ZNF264: variants seen among roughly 807,000 people sequenced by gnomAD.
ZNF264 encodes the protein zinc finger protein 264.
A neutral mutation model predicts 11.2 loss-of-function variants in ZNF264; 11 were observed. The ratio of observed to expected loss-of-function variants is 0.98; its 90% CI spans 0.62 to 1.63. ZNF264 has a LOEUF of 1.63. Ranked by LOEUF, ZNF264 falls within the 40% of genes most tolerant of loss-of-function variation. The probability of loss-of-function intolerance (pLI) is 0.00; values close to 1 mark genes in which losing one functional copy is unlikely to be tolerated. For missense variants in ZNF264, 752 were observed against 768.1 expected (o/e 0.98, Z 0.25); for synonymous variants, 309 against 279.8 (o/e 1.10, Z -1.04).
At position 57,214,869 on chromosome 19, in the gene ZNF264, G is replaced by A. The variant is rs536730230; in HGVS notation, c.*1888G>A. The stretch of plus-strand genomic sequence containing the variant: ...GAATGTATTGCTTTGATCAAGTTTT[G>A]AATATTGAGCCAGCCTTGCATCCTT... On this transcript the variant is annotated 3_prime_UTR_variant, in exon 4 of 4. Transcript: ENST00000263095. 18 of 152,218 alleles carry A rather than the reference G, an allele frequency of 1.2e-4. No homozygotes were observed. Among genetic ancestry groups the A allele is most frequent in the African/African-American group, 4.1e-4 (17 of 41,536 alleles). The allele number at this position is 152,218 out of a possible 1,614,324, so 9.4% of individuals were successfully genotyped here. A position where few individuals can be genotyped will look rare whatever the true frequency, so the allele number is the denominator to read the frequency against.
At chr19:57,193,017 C>T (rs1451853378) in intron 1 of ZNF264, among the ~76,000 whole-genome samples, 1 of 152,142 alleles carries the variant, frequency 6.6e-6, no homozygotes, top group African/African-American at 2.4e-5. Flanking sequence ...ATGCATGAGC[C>T]ACCATGCCCG....
Position 57,191,926 on chromosome 19 carries a change from G to T in ZNF264, c.13G>T (p.Val5Leu), listed in dbSNP as rs571690758. Residue 5 changes from valine (V) to leucine (L), a missense_variant, in exon 1 of 4, where the codon GTG becomes TTG. Physicochemically the swap from Val to Leu is conservative, Grantham distance 32. Transcript: ENST00000263095. ...AGGGGGTGACGTGATGGCGGCAGCG[G>T]TGCTGACGGACCGGGCCCAGGTGAG... MAAA[V>L]LTDRAQVSVT... 24 of 1,532,944 alleles carry T rather than the reference G, an allele frequency of 1.6e-5. No individual in the cohort carries two copies. The South Asian group carries it at 2.6e-4, about 17-fold the overall frequency. 95.0% of individuals were successfully genotyped at this position (1,532,944 alleles called of 1,614,324 possible). A position where few individuals can be genotyped will look rare whatever the true frequency, so the allele number is the denominator to read the frequency against.
intron 2 of ZNF264, among the ~76,000 whole-genome samples, chr19:57,204,456 T>G (rs115256502): frequency 2.6e-3 from 394 of 152,246 alleles, no homozygotes; most frequent in African/African-American, 8.9e-3. Context: ...TCCCATGGTG[T>G]TGTCGTGATA....
At chr19:57,194,203 C>A in intron 2 of ZNF264, 1 of 655,230 alleles carries the variant, frequency 1.5e-6, no homozygotes, top group South Asian at 4.0e-5. Context: ...CTTTGGCTCC[C>A]AGCCAAAGGA....
Position 57,212,063 on chromosome 19 carries a change from A to T in ZNF264, c.966A>T (p.Gln322His). The stretch of plus-strand genomic sequence containing the variant: ...CCTTTGTGTGCACAGAATGTGGCCA[A>T]GTCTTTCGACATAGGCCAGGCTTTC... ...EKSFVCTECG[Q>H]VFRHRPGFLR... The change falls in exon 4 of 4, where the codon CAA becomes CAT. Residue 322 changes from glutamine (Q) to histidine (H), a missense_variant. Coordinates refer to ENST00000263095, the MANE Select transcript of ZNF264 (RefSeq NM_003417.5). The T allele has an allele frequency of 1.2e-6, 2 of 1,614,132 alleles. No individual in the cohort carries two copies. Among genetic ancestry groups the T allele is most frequent in the Non-Finnish European group, 1.7e-6 (2 of 1,180,016 alleles).
At chr19:57,195,200 G>A (rs1036464893) in intron 2 of ZNF264, among the ~76,000 whole-genome samples, 3 of 152,196 alleles carry the variant, frequency 2.0e-5, no homozygotes, top group Non-Finnish European at 4.4e-5. Context: ...TATCGTTCAT[G>A]CAACCGAAAC....
At chr19:57,201,711 C>T (rs894837937) in intron 2 of ZNF264, among the ~76,000 whole-genome samples, 1 of 151,870 alleles carries the variant, frequency 6.6e-6, no homozygotes, top group Non-Finnish European at 1.5e-5. Context: ...CTGGAAGGAT[C>T]TGAGGAGCAC....
chr19:57,194,132 T>C lies in ZNF264; in HGVS notation c.160+131T>C, dbSNP rs185717182. On this transcript the variant is annotated intron_variant, in intron 2 of 3. Transcript: ENST00000263095. ...TGCCTCTTTCCCACAGCTTTAGTCATTTTCCACAGTAACCTCTTCCTATCT... is the reference window on the plus strand; with the variant it reads ...TGCCTCTTTCCCACAGCTTTAGTCACTTTCCACAGTAACCTCTTCCTATCT... The C allele has an allele frequency of 2.0e-4, 262 of 1,301,854 alleles. No individual in the cohort carries two copies. The African/African-American group carries it at 3.0e-3, about 15-fold the overall frequency. 80.6% of individuals were successfully genotyped at this position (1,301,854 alleles called of 1,614,324 possible).
rs7259358 is a variant in ZNF264, at chr19:57,211,650, C to T, written c.553C>T (p.His185Tyr). ...CTCTCCAGGAGATAGAGTCCGTAGC[C>T]ATAACTCATGTGAGTCAGGTAAAGA... ...QVSPGDRVRS[H>Y]NSCESGKDPM... Residue 185 changes from histidine to tyrosine, a missense_variant, in exon 4 of 4, where the codon CAT becomes TAT. Transcript: ENST00000263095. 6.4e-4 allele frequency: 1,037 copies of T among 1,614,100 alleles called. 6 individuals are homozygous for T. In the African/African-American group the frequency reaches 0.012, roughly 19 times the overall value.
chr19:57,199,852 G>A (rs926716563), intron 2 of ZNF264, among the ~76,000 whole-genome samples: 5 of 151,742 alleles, frequency 3.3e-5, no homozygotes, highest in South Asian at 2.1e-4. Flanking sequence ...CCTCAGGGGA[G>A]GCCATCACTG....
Position 57,194,021 on chromosome 19 carries a change from T to C in ZNF264, c.160+20T>C. The C allele has an allele frequency of 1.9e-6, 3 of 1,589,672 alleles. No individual in the cohort carries two copies. Among genetic ancestry groups the C allele is most frequent in the South Asian group, 2.3e-5 (2 of 87,734 alleles). Reference sequence around the variant, plus strand: ...CTCTGGGTAAGGCCTTCCTTCCCCCTCCACCATGCAGGTGACCTGCCACTT... The same window carrying C: ...CTCTGGGTAAGGCCTTCCTTCCCCCCCCACCATGCAGGTGACCTGCCACTT... On this transcript the variant is annotated intron_variant, in intron 2 of 3. Coordinates refer to ENST00000263095, the MANE Select transcript of ZNF264 (RefSeq NM_003417.5).
Position 57,212,965 on chromosome 19 carries a change from A to G in ZNF264, c.1868A>G (p.Gln623Arg). The change falls in exon 4 of 4, where the codon CAA becomes CGA. Residue 623 changes from glutamine to arginine, a missense_variant. Gln to Arg is a conservative substitution (Grantham distance 43). Transcript: ENST00000263095. ...SDQPYQRETP[Q>R]VSSL Reference sequence around the variant, plus strand: ...CAACCATACCAAAGAGAAACCCCACAAGTGTCTTCACTGTGAGAAAACCTT... The same window carrying G: ...CAACCATACCAAAGAGAAACCCCACGAGTGTCTTCACTGTGAGAAAACCTT... 1.9e-6 allele frequency: 3 copies of G among 1,608,554 alleles called. No homozygotes were observed. Among genetic ancestry groups the G allele is most frequent in the Non-Finnish European group, 2.6e-6 (3 of 1,176,350 alleles).
intron 2 of ZNF264, among the ~76,000 whole-genome samples, chr19:57,204,048 G>T (rs1185455341): frequency 6.6e-6 from 1 of 152,122 alleles, no homozygotes; most frequent in African/African-American, 2.4e-5. Flanking sequence ...TTAGCCAGGT[G>T]TGGTGGCAGG....
chr19:57,212,621 G>C lies in ZNF264; in HGVS notation c.1524G>C (p.Glu508Asp). 6.2e-7 allele frequency: 1 copy of C among 1,614,110 alleles called. No homozygotes were observed. The highest frequency in any genetic ancestry group is 2.2e-5 in the East Asian group (1 of 44,848). The change falls in exon 4 of 4, where the codon GAG (glutamate) becomes GAC (aspartate). Residue 508 changes from glutamate (E) to aspartate (D), a missense_variant. Transcript: ENST00000263095. ...LTRHKRIHSG[E>D]KPYECVECGK... is the part of the protein sequence containing the mutation. ...GGCACAAGCGGATTCATAGTGGAGA[G>C]AAGCCCTATGAATGTGTTGAGTGTG...
chr19:57,205,569 T>C, intron 3 of ZNF264, 77 bp downstream of exon 3: 3 of 1,307,612 alleles, frequency 2.3e-6, no homozygotes, highest in South Asian at 1.3e-5. Context: ...CTGGAATCTC[T>C]TGGGAAGCTT....
chr19:57,214,915 G>GT lies in ZNF264; in HGVS notation c.*1935dup, dbSNP rs1406828396. The GT allele has an allele frequency of 6.6e-6, 1 of 152,172 alleles. No homozygotes were observed. Among genetic ancestry groups the GT allele is most frequent in the Non-Finnish European group, 1.5e-5 (1 of 68,028 alleles). 9.4% of individuals were successfully genotyped at this position (152,172 alleles called of 1,614,324 possible). ...TCCTTAGAATAAACCATACTTGTTT[G>GT]TAGAGTATAATTGTTTTTATATATC... On this transcript the variant is annotated 3_prime_UTR_variant, in exon 4 of 4. Coordinates refer to ENST00000263095, the MANE Select transcript of ZNF264 (RefSeq NM_003417.5).
In ZNF264 at chr19:57,194,118, C is replaced by G. The variant is rs998254295; in HGVS notation, c.160+117C>G. ...TCTAGAATCTACCTTGCCTCTTTCC[C>G]ACAGCTTTAGTCATTTTCCACAGTA... On this transcript the variant is annotated intron_variant, in intron 2 of 3. Transcript: ENST00000263095. The G allele has an allele frequency of 3.5e-6, 5 of 1,415,420 alleles. No homozygotes were observed. The African/African-American group carries it at 5.8e-5, about 16-fold the overall frequency. 87.7% of individuals were successfully genotyped at this position (1,415,420 alleles called of 1,614,324 possible).
At position 57,211,933 on chromosome 19, in the gene ZNF264, G is replaced by A. The variant is rs758489001; in HGVS notation, c.836G>A (p.Arg279Gln). ...AAGTCATACCTTACCCAGCACCAGC[G>A]GATTCACAGTGGAGAGAAGCCTTAC... ...NRKSYLTQHQ[R>Q]IHSGEKPYKC... The change falls in exon 4 of 4, where the codon CGG (arginine) becomes CAG (glutamine). Residue 279 changes from arginine (R) to glutamine (Q), a missense_variant. Physicochemically the swap from Arg to Gln is conservative, Grantham distance 43. Coordinates refer to ENST00000263095, the MANE Select transcript of ZNF264 (RefSeq NM_003417.5). The A allele has an allele frequency of 6.8e-6, 11 of 1,613,682 alleles. No homozygotes were observed. Among genetic ancestry groups the A allele is most frequent in the African/African-American group, 5.3e-5 (4 of 74,770 alleles).
chr19:57,210,552 A>G (rs1051156505), intron 3 of ZNF264, among the ~76,000 whole-genome samples: 8 of 152,226 alleles, frequency 5.3e-5, no homozygotes, highest in African/African-American at 1.4e-4. Flanking sequence ...GCATATGGCA[A>G]TATGAGCTTA....
Sources: allele counts gnomAD v4.1 joint callset (sites outside exome capture counted in the v4.1 genomes callset), GRCh38; gene constraint gnomAD v4.1.1; transcripts MANE v1.5; gene names NCBI Gene and HGNC (gene_info 2026-07-23, HGNC 2026-07-21).